LCLAT1: variants seen among roughly 807,000 people sequenced by gnomAD.
The protein encoded by LCLAT1 is lysocardiolipin acyltransferase 1, also known as 1-AGP acyltransferase 8.
Under a neutral mutation model 30.7 loss-of-function variants are expected in LCLAT1, and 11 were observed. That is an observed-to-expected ratio of 0.36 (90% CI 0.23 to 0.59). The LOEUF (loss-of-function observed/expected upper bound fraction) is 0.59. Among genes scored for constraint, LCLAT1 ranks in the 20% least tolerant of loss-of-function variants. The pLI is 0.77. For synonymous variants in LCLAT1, 155 were observed against 151.3 expected (o/e 1.02, Z -0.18); for missense variants, 402 against 458.6 (o/e 0.88, Z 1.13).
intron 5 of LCLAT1, among the ~76,000 whole-genome samples, chr2:30,625,108 G>C (rs988703974): frequency 6.6e-6 from 1 of 152,104 alleles, no homozygotes; most frequent in African/African-American, 2.4e-5. Context: ...GTGCTAAGAG[G>C]AAAGTTCATA....
At chr2:30,593,495 C>T (rs1023979695) in intron 5 of LCLAT1, among the ~76,000 whole-genome samples, 2 of 152,108 alleles carry the variant, frequency 1.3e-5, no homozygotes, top group Admixed American at 1.3e-4. Context: ...GTGCCTCCAG[C>T]TTTGTTCTTT....
At chr2:30,503,421 A>G (rs1684494403) in intron 1 of LCLAT1, among the ~76,000 whole-genome samples, 1 of 152,208 alleles carries the variant, frequency 6.6e-6, no homozygotes, top group South Asian at 2.1e-4. Flanking sequence ...TTGCTGGATC[A>G]TATTGTAACT....
chr2:30,450,001 T>G (rs1202034546), intron 1 of LCLAT1, among the ~76,000 whole-genome samples: 1 of 152,196 alleles, frequency 6.6e-6, no homozygotes, highest in Admixed American at 6.5e-5. Flanking sequence ...GCTAGGACAT[T>G]TATTGTTTCA....
chr2:30,554,723 A>G (rs1298049782), intron 3 of LCLAT1, among the ~76,000 whole-genome samples: 2 of 152,206 alleles, frequency 1.3e-5, no homozygotes, highest in African/African-American at 4.8e-5. Context: ...GAAAAAGACC[A>G]TTTGCAAATC....
intron 5 of LCLAT1, among the ~76,000 whole-genome samples, chr2:30,588,921 C>T (rs1373418660): frequency 3.3e-5 from 5 of 152,100 alleles, no homozygotes; most frequent in Non-Finnish European, 7.4e-5. Context: ...TAGTTTTATT[C>T]AGCTGTAATG....
Position 30,458,918 on chromosome 2 carries a change from T to C in LCLAT1, c.-5+11535T>C, listed in dbSNP as rs1249510141. 2.6e-5 allele frequency among the ~76,000 whole-genome samples: 4 copies of C among 152,346 alleles called. No homozygotes were observed. The East Asian group carries it at 7.7e-4, about 29-fold the overall frequency. ...ATATACCTATAAATGTAGGTATGTA[T>C]ATACTTATATTTATAACTGAGTAAC... On this transcript the variant is annotated intron_variant, in intron 1 of 5. Coordinates refer to ENST00000379509, the MANE Select transcript of LCLAT1 (RefSeq NM_001002257.3).
chr2:30,507,980 C>T (rs1684752506), intron 1 of LCLAT1, among the ~76,000 whole-genome samples: 1 of 152,106 alleles, frequency 6.6e-6, no homozygotes, highest in South Asian at 2.1e-4. Flanking sequence ...TAGTAATAGC[C>T]ATTCTGACTG....
chr2:30,459,065 A>C (rs1381742657), intron 1 of LCLAT1, among the ~76,000 whole-genome samples: 1 of 152,258 alleles, frequency 6.6e-6, no homozygotes, highest in East Asian at 1.9e-4. Context: ...ATCAGGATCC[A>C]GGAAATGAGC....
intron 5 of LCLAT1, among the ~76,000 whole-genome samples, chr2:30,625,332 A>G (rs750742394): frequency 3.3e-5 from 5 of 152,190 alleles, no homozygotes; most frequent in Admixed American, 6.5e-5. Flanking sequence ...TTGGTAGACC[A>G]TTAGTGAGAT....
intron 4 of LCLAT1, among the ~76,000 whole-genome samples, chr2:30,567,269 T>G (rs1404940212): frequency 2.0e-5 from 3 of 152,228 alleles, no homozygotes; most frequent in Non-Finnish European, 4.4e-5. Context: ...GATATGAATA[T>G]GAATTTCAGA....
chr2:30,503,378 A>G (rs942780710), intron 1 of LCLAT1, among the ~76,000 whole-genome samples: 1 of 152,180 alleles, frequency 6.6e-6, no homozygotes, highest in East Asian at 1.9e-4. Flanking sequence ...ATATGTTTTC[A>G]TTTCACTTGG....
At chr2:30,540,102 G>C (rs903832930) in intron 3 of LCLAT1, among the ~76,000 whole-genome samples, 1 of 152,076 alleles carries the variant, frequency 6.6e-6, no homozygotes, top group African/African-American at 2.4e-5. Flanking sequence ...GTCTCATCCT[G>C]GCTCTGTTGT....
chr2:30,588,712 T>C (rs1666552890), intron 5 of LCLAT1, among the ~76,000 whole-genome samples: 1 of 152,166 alleles, frequency 6.6e-6, no homozygotes, highest in Admixed American at 6.5e-5. Context: ...ACAATTCTCC[T>C]GCCTCAGCCT....
rs183340909 is a variant in LCLAT1 at position 30,474,408 on chromosome 2, G to A, written c.-5+27025G>A. Among the ~76,000 whole-genome samples, 7 of 152,306 alleles carry A rather than the reference G, an allele frequency of 4.6e-5. No homozygotes were observed. In the East Asian group the frequency reaches 9.7e-4, roughly 21 times the overall value. ...TCTACATGTTACTGTGACTTGCAGT[G>A]AGTGGGGGTTAAAAGATGTTTTTTA... On this transcript the variant is annotated intron_variant, in intron 1 of 5. Coordinates refer to ENST00000379509, the MANE Select transcript of LCLAT1 (RefSeq NM_001002257.3).
intron 1 of LCLAT1, among the ~76,000 whole-genome samples, chr2:30,470,419 AT>A (rs1304821391): frequency 1.3e-5 from 2 of 152,218 alleles, no homozygotes; most frequent in South Asian, 4.1e-4. Flanking sequence ...TCCTTTTGTT[AT>A]TTTTTACAAA....
At chr2:30,589,669 A>T (rs1666605822) in intron 5 of LCLAT1, among the ~76,000 whole-genome samples, 1 of 152,234 alleles carries the variant, frequency 6.6e-6, no homozygotes. Flanking sequence ...TACATGGCGT[A>T]TCTTCTTGAA....
At chr2:30,526,932 A>T (rs929952947) in intron 2 of LCLAT1, among the ~76,000 whole-genome samples, 5 of 152,182 alleles carry the variant, frequency 3.3e-5, no homozygotes, top group African/African-American at 9.6e-5. Flanking sequence ...AATTAGCTTT[A>T]AAGATATGAA....
chr2:30,485,315 A>C (rs1381738629), intron 1 of LCLAT1, among the ~76,000 whole-genome samples: 1 of 152,176 alleles, frequency 6.6e-6, no homozygotes, highest in Non-Finnish European at 1.5e-5. Flanking sequence ...TTAATGAAGC[A>C]CTACACTAGG....
chr2:30,496,244 G>T (rs971485504), intron 1 of LCLAT1, among the ~76,000 whole-genome samples: 2 of 152,164 alleles, frequency 1.3e-5, no homozygotes, highest in African/African-American at 4.8e-5. Flanking sequence ...CAACATTGGG[G>T]ATTGCAATTC....
Sources: allele counts gnomAD v4.1 joint callset (sites outside exome capture counted in the v4.1 genomes callset), GRCh38; gene constraint gnomAD v4.1.1; transcripts MANE v1.5; gene names NCBI Gene and HGNC (gene_info 2026-07-23, HGNC 2026-07-21).